The following PIK3CA variants were observed in gnomAD, a reference collection of about 807,000 sequenced individuals.
PIK3CA encodes phosphatidylinositol-4,5-bisphosphate 3-kinase catalytic subunit alpha, also known as phosphatidylinositol 4,5-bisphosphate 3-kinase catalytic subunit alpha isoform.
PIK3CA carries 27 observed loss-of-function variants against 138.2 expected under a neutral mutation model. That is an observed-to-expected ratio of 0.20 (90% CI 0.14 to 0.27). The LOEUF (loss-of-function observed/expected upper bound fraction) is 0.27. Ranked by LOEUF, PIK3CA falls within the 10% of genes least tolerant of loss-of-function variation. The probability of loss-of-function intolerance (pLI) is 1.00; values close to 1 mark genes in which losing one functional copy is unlikely to be tolerated. For missense variants in PIK3CA, 544 were observed against 1,277.4 expected, an observed-to-expected ratio of 0.43 and a Z score of 8.75; for synonymous variants, 358 against 413.2, an observed-to-expected ratio of 0.87 and a Z score of 1.62.
chr3:179,199,300 C>CATT lies in PIK3CA; in HGVS notation c.352+125_352+126insTAT, dbSNP rs10663584. ...CTTAAATAGCTTTCTAAATAAAAATCATAAATCTAAAGTATGTTTTACTAT... is the reference window on the plus strand; with the variant it reads ...CTTAAATAGCTTTCTAAATAAAAATCATTATAAATCTAAAGTATGTTTTACTAT... On this transcript the variant is annotated intron_variant, in intron 2 of 20. Transcript: ENST00000263967. 0.2 allele frequency: 122,209 copies of CATT among 598,324 alleles called. 14,840 individuals are homozygous for CATT. Among genetic ancestry groups the CATT allele is most frequent in the African/African-American group, 0.42 (22,055 of 52,394 alleles). The allele number at this position is 598,324 out of a possible 1,614,324, so 37.1% of individuals were successfully genotyped here. A position where few individuals can be genotyped will look rare whatever the true frequency, so the allele number is the denominator to read the frequency against.
rs1725341882 is a variant in PIK3CA, at chr3:179,236,816, A to C, written c.*2452A>C. On this transcript the variant is annotated 3_prime_UTR_variant, in exon 21 of 21. Coordinates refer to ENST00000263967, the MANE Select transcript of PIK3CA (RefSeq NM_006218.4). ...TAAGAAAGAAATGAGGCAAAGAACC[A>C]AACATTGAATTAAATGCTACATGGG... is the stretch of plus-strand genomic sequence containing the variant. The C allele has an allele frequency of 3.3e-5, 7 of 212,670 alleles. No homozygotes were observed. In the Admixed American group the frequency reaches 4.1e-4, roughly 13 times the overall value. The allele number at this position is 212,670 out of a possible 1,614,324, so 13.2% of individuals were successfully genotyped here. A position where few individuals can be genotyped will look rare whatever the true frequency, so the allele number is the denominator to read the frequency against.
In PIK3CA at chr3:179,234,136, G is replaced by A. The variant is rs2108429115; in HGVS notation, c.2979G>A (p.Gln993=). The change falls in exon 21 of 21, where the codon CAG becomes CAA. Residue 993 remains glutamine (Q), a synonymous_variant. Coordinates refer to ENST00000263967, the MANE Select transcript of PIK3CA (RefSeq NM_006218.4). The surrounding 1 kb of genome is among the most constrained non-coding windows in gnomAD (Gnocchi z 5.1). ...ACAAGGCTTATCTAGCTATTCGACA[G>A]CATGCCAATCTCTTCATAAATCTTT... is the stretch of plus-strand genomic sequence containing the variant. ...MCYKAYLAIR[Q]HANLFINLFS... is the part of the protein sequence containing the mutation. 1.2e-6 allele frequency: 2 copies of A among 1,612,310 alleles called. No homozygotes were observed. Among genetic ancestry groups the A allele is most frequent in the Non-Finnish European group, 1.7e-6 (2 of 1,178,522 alleles).
chr3:179,228,828 C>T (rs1725146325), intron 17 of PIK3CA, among the ~76,000 whole-genome samples: 1 of 151,958 alleles, frequency 6.6e-6, no homozygotes, highest in South Asian at 2.1e-4. Context: ...TTTCTAATAT[C>T]ATTAGATGTA....
chr3:179,231,545 G>A (rs1271148885), intron 20 of PIK3CA, among the ~76,000 whole-genome samples: 1 of 139,848 alleles, frequency 7.2e-6, no homozygotes, highest in Non-Finnish European at 1.6e-5. Flanking sequence ...TTTCCCTGAT[G>A]ATTAATGATG....
intron 1 of PIK3CA, among the ~76,000 whole-genome samples, chr3:179,175,989 A>T (rs191630479): frequency 3.9e-4 from 60 of 152,318 alleles, no homozygotes; most frequent in African/African-American, 1.3e-3. Flanking sequence ...ACTATGCTGT[A>T]GGAAATCTTC....
At chr3:179,196,502 A>G (rs1724268215) in intron 1 of PIK3CA, among the ~76,000 whole-genome samples, 1 of 152,198 alleles carries the variant, frequency 6.6e-6, no homozygotes, top group Non-Finnish European at 1.5e-5. Context: ...AATTATTTTA[A>G]ATTCTATAAT....
At chr3:179,173,106 ATAAT>A (rs1015807788) in intron 1 of PIK3CA, among the ~76,000 whole-genome samples, 5 of 152,074 alleles carry the variant, frequency 3.3e-5, no homozygotes, top group East Asian at 1.9e-4. Flanking sequence ...AACATTTATA[ATAAT>A]TTTCTTTTTA....
intron 1 of PIK3CA, among the ~76,000 whole-genome samples, chr3:179,173,023 T>G (rs892308512): frequency 1.3e-5 from 2 of 152,158 alleles, no homozygotes; most frequent in Admixed American, 6.5e-5. Flanking sequence ...TATAGTAATA[T>G]TTTTCAATTA....
intron 3 of PIK3CA, 39 bp from the exon 4 acceptor site, chr3:179,201,247 TGAAA>T (rs749008800): frequency 1.0e-5 from 16 of 1,537,516 alleles, no homozygotes; most frequent in South Asian, 7.3e-5. Flanking sequence ...CCTTGAAAAA[TGAAA>T]GAGAGATGGT....
intron 1 of PIK3CA, among the ~76,000 whole-genome samples, chr3:179,187,048 T>A (rs574287209): frequency 2.6e-5 from 4 of 151,618 alleles, no homozygotes; most frequent in Non-Finnish European, 4.4e-5. Context: ...GTTTTTTTTT[T>A]CCTAATTTAA....
chr3:179,193,892 G>A (rs909242299), intron 1 of PIK3CA, among the ~76,000 whole-genome samples: 2 of 151,984 alleles, frequency 1.3e-5, no homozygotes, highest in Non-Finnish European at 2.9e-5. Context: ...TTTTAATTCT[G>A]TGACCTCAAA....
intron 4 of PIK3CA, among the ~76,000 whole-genome samples, chr3:179,202,663 C>T (rs977158930): frequency 6.6e-6 from 1 of 152,116 alleles, no homozygotes; most frequent in Non-Finnish European, 1.5e-5. Context: ...TTAAAAATCT[C>T]GTCTTAACTA....
chr3:179,198,483 A>G (rs959721240), intron 1 of PIK3CA, among the ~76,000 whole-genome samples: 3 of 152,216 alleles, frequency 2.0e-5, no homozygotes, highest in Admixed American at 6.5e-5. Context: ...ATGAAACCTT[A>G]GAGAATCCAC....
At chr3:179,170,055 TGC>T (rs1436322644) in intron 1 of PIK3CA, among the ~76,000 whole-genome samples, 2 of 129,088 alleles carry the variant, frequency 1.5e-5, no homozygotes, top group South Asian at 2.6e-4. Flanking sequence ...GACATGCACA[TGC>T]GCGTGCACAC....
At chr3:179,169,394 A>G (rs1723495077) in intron 1 of PIK3CA, among the ~76,000 whole-genome samples, 2 of 151,674 alleles carry the variant, frequency 1.3e-5, no homozygotes. Flanking sequence ...AAGAATTGAC[A>G]TTTTGGGAAT....
intron 1 of PIK3CA, among the ~76,000 whole-genome samples, chr3:179,182,416 C>G (rs568474162): frequency 2.1e-4 from 32 of 152,138 alleles, no homozygotes; most frequent in African/African-American, 7.0e-4. Flanking sequence ...GCCTCTAATC[C>G]CAGCACTTTG....
At chr3:179,186,866 C>T (rs1288041726) in intron 1 of PIK3CA, among the ~76,000 whole-genome samples, 1 of 152,108 alleles carries the variant, frequency 6.6e-6, no homozygotes, top group East Asian at 1.9e-4. Flanking sequence ...TCATTGATCT[C>T]ATTGGTTAAA....
chr3:179,187,800 G>A (rs1484760826), intron 1 of PIK3CA, among the ~76,000 whole-genome samples: 2 of 151,324 alleles, frequency 1.3e-5, no homozygotes, highest in African/African-American at 4.9e-5. Context: ...ACCATGCCTG[G>A]CTAATTTTTT....
At chr3:179,233,562 TA>T (rs1171232746) in intron 20 of PIK3CA, among the ~76,000 whole-genome samples, 109 of 152,292 alleles carry the variant, frequency 7.2e-4, no homozygotes, top group Non-Finnish European at 9.7e-4. Flanking sequence ...TACTGAGCTT[TA>T]AATAGTTGGA....
Sources: gnomAD v4.1 joint callset for allele counts (sites outside exome capture counted in the v4.1 genomes callset) on GRCh38, gnomAD v4.1.1 for gene constraint, Gnocchi (gnomAD v3.1) non-coding constraint, MANE v1.5 for transcripts, NCBI Gene and HGNC (gene_info 2026-07-23, HGNC 2026-07-21) for gene names.